Variants in SNX8 observed in about 807,000 individuals in gnomAD.
SNX8 encodes sorting nexin-8.
SNX8 carries 25 observed loss-of-function variants against 51.6 expected under a neutral mutation model. The ratio of observed to expected loss-of-function variants is 0.48; its 90% CI spans 0.35 to 0.68. The LOEUF is 0.68. Ranked by LOEUF, SNX8 falls within the 30% of genes least tolerant of loss-of-function variation. SNX8 has a pLI of 0.00. For synonymous variants in SNX8, 324 were observed against 277.0 expected, an observed-to-expected ratio of 1.17 and a Z score of -1.68; for missense variants, 695 against 624.0, an observed-to-expected ratio of 1.11 and a Z score of -1.21.
intron 1 of SNX8, among the ~76,000 whole-genome samples, chr7:2,326,565 C>G (rs1288372816): frequency 6.6e-6 from 1 of 151,916 alleles, no homozygotes; most frequent in Non-Finnish European, 1.5e-5. Flanking sequence ...ACTCGGGAGG[C>G]TGAGGCAGGA....
intron 5 of SNX8, among the ~76,000 whole-genome samples, chr7:2,266,696 T>C (rs553437930): frequency 2.0e-5 from 3 of 152,154 alleles, no homozygotes; most frequent in East Asian, 3.9e-4. Context: ...TTGTTTTGTA[T>C]TTTTATTAGA....
intron 10 of SNX8, among the ~76,000 whole-genome samples, chr7:2,255,782 C>T (rs1008106289): frequency 2.0e-5 from 3 of 152,238 alleles, no homozygotes; most frequent in Non-Finnish European, 2.9e-5. Flanking sequence ...ATGCAAACGG[C>T]GGCCCCACTC....
intron 1 of SNX8, among the ~76,000 whole-genome samples, chr7:2,343,375 C>T (rs116605978): frequency 0.029 from 4,363 of 152,094 alleles, 126 homozygotes; most frequent in African/African-American, 0.073. Context: ...GAAGCCTGAA[C>T]TTACAAAGAG....
chr7:2,259,058 C>T (rs1018434449), intron 7 of SNX8, among the ~76,000 whole-genome samples: 2 of 152,206 alleles, frequency 1.3e-5, no homozygotes, highest in Non-Finnish European at 2.9e-5. Flanking sequence ...GGCCCGAACA[C>T]ACGGTGCTCA....
At chr7:2,301,642 C>A (rs1228919653) in intron 1 of SNX8, among the ~76,000 whole-genome samples, 7 of 152,200 alleles carry the variant, frequency 4.6e-5, no homozygotes, top group Admixed American at 3.9e-4. Flanking sequence ...TCCGGGTTGT[C>A]CAGTCATTGT....
At chr7:2,264,504 G>A (rs754616143) in intron 5 of SNX8, 46 bp from the exon 6 acceptor site, 13 of 1,570,144 alleles carry the variant, frequency 8.3e-6, no homozygotes, top group Non-Finnish European at 1.0e-5. Context: ...TCGCTGGGGA[G>A]CACCTGTCAG....
chr7:2,263,623 G>A (rs1795391297), intron 6 of SNX8, among the ~76,000 whole-genome samples: 1 of 152,220 alleles, frequency 6.6e-6, no homozygotes, highest in South Asian at 2.1e-4. Flanking sequence ...GACGGGCACT[G>A]CTGGGGCAAG....
chr7:2,345,817 T>C (rs373829542), intron 1 of SNX8, among the ~76,000 whole-genome samples: 1 of 152,322 alleles, frequency 6.6e-6, no homozygotes, highest in East Asian at 1.9e-4. Flanking sequence ...ATTTTTGTTT[T>C]GTTTTTTGAG....
intron 1 of SNX8, among the ~76,000 whole-genome samples, chr7:2,301,400 G>C (rs961759673): frequency 5.3e-5 from 8 of 152,174 alleles, no homozygotes; most frequent in Non-Finnish European, 1.2e-4. Context: ...TCTAGGCTTT[G>C]TCTAGGAAGG....
intron 1 of SNX8, among the ~76,000 whole-genome samples, chr7:2,286,703 A>T (rs1796037191): frequency 6.6e-6 from 1 of 151,394 alleles, no homozygotes; most frequent in African/African-American, 2.4e-5. Context: ...TATTTTTAGT[A>T]GAGATGGGGT....
chr7:2,298,741 G>A (rs1562445497), intron 1 of SNX8, among the ~76,000 whole-genome samples: 1 of 151,558 alleles, frequency 6.6e-6, no homozygotes, highest in African/African-American at 2.4e-5. Flanking sequence ...CCCCAGCCTG[G>A]AGTGCAGTGG....
chr7:2,328,735 A>C (rs1030989780), intron 1 of SNX8, among the ~76,000 whole-genome samples: 2 of 151,924 alleles, frequency 1.3e-5, no homozygotes, highest in Non-Finnish European at 1.5e-5. Context: ...GCAGATCACA[A>C]GGTCAGGAGA....
At chr7:2,331,936 T>A (rs1446433702) in intron 1 of SNX8, among the ~76,000 whole-genome samples, 1 of 151,786 alleles carries the variant, frequency 6.6e-6, no homozygotes, top group African/African-American at 2.4e-5. Flanking sequence ...CCGGGCGTGG[T>A]GGCTCAGTCC....
chr7:2,256,080 C>T (rs1032135633), intron 10 of SNX8, among the ~76,000 whole-genome samples: 1 of 152,244 alleles, frequency 6.6e-6, no homozygotes, highest in Non-Finnish European at 1.5e-5. Flanking sequence ...TCACTGAGGA[C>T]ACACCCGGCC....
intron 1 of SNX8, among the ~76,000 whole-genome samples, chr7:2,340,964 A>G (rs1174747798): frequency 6.6e-6 from 1 of 150,980 alleles, no homozygotes; most frequent in Non-Finnish European, 1.5e-5. Context: ...CAGGAGGGTC[A>G]CTTGAGCCCA....
At chr7:2,268,802 G>A (rs1403092324) in intron 5 of SNX8, among the ~76,000 whole-genome samples, 1 of 21,928 alleles carries the variant, frequency 4.6e-5, no homozygotes, top group Non-Finnish European at 1.8e-4. Context: ...CGCCCCTACT[G>A]GGAAGTGAGG....
In SNX8 at chr7:2,278,171, C is replaced by T. The variant is rs1795826306; in HGVS notation, c.229G>A (p.Val77Met). The stretch of plus-strand genomic sequence containing the variant: ...TTCTCCGGAATGAGCTCCACCTGCA[C>T]GGTGTCCCTGGCCAGCAGCTCCTGC... Reference protein sequence around the residue: ...TLQELLARDTVQVELIPEKKG... With the variant: ...TLQELLARDTMQVELIPEKKG... The change falls in exon 2 of 11, where the codon GTG becomes ATG. Residue 77 changes from valine to methionine, a missense_variant. Physicochemically the swap from Val to Met is conservative, Grantham distance 21. Coordinates refer to ENST00000222990, the MANE Select transcript of SNX8 (RefSeq NM_013321.4). 2.5e-6 allele frequency: 4 copies of T among 1,614,114 alleles called. No individual in the cohort carries two copies. The highest frequency in any genetic ancestry group is 3.4e-6 in the Non-Finnish European group (4 of 1,180,006).
intron 1 of SNX8, among the ~76,000 whole-genome samples, chr7:2,348,124 A>G (rs953398848): frequency 6.6e-6 from 1 of 152,084 alleles, no homozygotes; most frequent in Non-Finnish European, 1.5e-5. Flanking sequence ...GAAACTAAGT[A>G]AAAAAAGCAA....
chr7:2,323,257 G>T (rs1039029416), intron 1 of SNX8, among the ~76,000 whole-genome samples: 1 of 151,168 alleles, frequency 6.6e-6, no homozygotes, highest in Admixed American at 6.6e-5. Context: ...TTGAACTTTG[G>T]GGGTGGAGGT....
Sources: gnomAD v4.1 joint callset for allele counts (sites outside exome capture counted in the v4.1 genomes callset) on GRCh38, gnomAD v4.1.1 for gene constraint, MANE v1.5 for transcripts, NCBI Gene and HGNC (gene_info 2026-07-23, HGNC 2026-07-21) for gene names.